Variants in MYOM1 observed in about 807,000 individuals in gnomAD.
The protein encoded by MYOM1 is myomesin 1.
Under a neutral mutation model 205.3 loss-of-function variants are expected in MYOM1, and 164 were observed. The ratio of observed to expected loss-of-function variants is 0.80; its 90% CI spans 0.70 to 0.91. The LOEUF is 0.91. Ranked by LOEUF, MYOM1 falls within the 40% of genes least tolerant of loss-of-function variation. The probability of loss-of-function intolerance (pLI) is 0.00; values close to 1 mark genes in which losing one functional copy is unlikely to be tolerated. For missense variants in MYOM1, 2,011 were observed against 2,127.3 expected (o/e 0.95, Z 1.08); for synonymous variants, 772 against 789.4 (o/e 0.98, Z 0.37).
upstream of MYOM1, among the ~76,000 whole-genome samples, chr18:3,221,181 A>AT (rs917948126): frequency 1.2e-4 from 18 of 148,056 alleles, no homozygotes; most frequent in Admixed American, 6.0e-4. Context: ...CACTCGGCTA[A>AT]TTTTTTTTTT....
At position 3,174,069 on chromosome 18, in the gene MYOM1, A is replaced by G. The variant is rs1428608983; in HGVS notation, c.1111+51T>C. 5 of 1,594,296 alleles carry G rather than the reference A, an allele frequency of 3.1e-6. No homozygotes were observed. The East Asian group carries it at 6.7e-5, about 22-fold the overall frequency. On this transcript the variant is annotated intron_variant, in intron 7 of 37. Transcript: ENST00000356443. ...ATTTATTTTAAAACCATGGGAAGAA[A>G]TTTTTAAAAACACACACACACTTTG...
chr18:3,137,723 A>T (rs188532842), intron 14 of MYOM1, among the ~76,000 whole-genome samples: 87 of 152,244 alleles, frequency 5.7e-4, no homozygotes, highest in African/African-American at 1.9e-3. Context: ...CAATTAGAAG[A>T]AATAAGTTCT....
At position 3,155,030 on chromosome 18, in the gene MYOM1, C is replaced by T. The variant is rs922677098; in HGVS notation, c.1560G>A (p.Glu520=). The T allele has an allele frequency of 2.5e-6, 4 of 1,613,312 alleles. No individual in the cohort carries two copies. The highest frequency in any genetic ancestry group is 1.3e-5 in the African/African-American group (1 of 74,890). The stretch of plus-strand genomic sequence containing the variant: ...AGATGATGATATAATCTTTGTTGGC[C>T]TCCAAGCACTTCACATCCAAGGGAG... ...PAAPLDVKCL[E]ANKDYIIISW... The change falls in exon 11 of 38, where the codon GAG becomes GAA. Residue 520 remains glutamate (E), a synonymous_variant. Transcript: ENST00000356443.
chr18:3,210,657 G>C (rs868215556), intron 2 of MYOM1, among the ~76,000 whole-genome samples: 60 of 152,134 alleles, frequency 3.9e-4, no homozygotes, highest in African/African-American at 1.4e-3. Context: ...GTATTCAATA[G>C]CTTCTCTAGA....
At chr18:3,238,762 A>G in the MYOM1 span, among the ~76,000 whole-genome samples, 1 of 152,096 alleles carries the variant, frequency 6.6e-6, no homozygotes, top group Non-Finnish European at 1.5e-5. Flanking sequence ...TCCTTTCCTG[A>G]GGCTCTAGGG....
At chr18:3,186,880 GAA>G (rs2080823978) in intron 5 of MYOM1, among the ~76,000 whole-genome samples, 1 of 134,740 alleles carries the variant, frequency 7.4e-6, no homozygotes, top group Non-Finnish European at 1.6e-5. Context: ...GGGAGAGAGA[GAA>G]AGAAAGAAAG....
intron 22 of MYOM1, 104 bp downstream of exon 22, chr18:3,112,194 C>T (rs2079536754): frequency 1.2e-6 from 1 of 847,162 alleles, no homozygotes; most frequent in Non-Finnish European, 1.9e-6. Context: ...TCAGATAGCA[C>T]ACATTGATTG....
At chr18:3,178,966 C>T (rs1378504806) in intron 5 of MYOM1, among the ~76,000 whole-genome samples, 14 of 152,124 alleles carry the variant, frequency 9.2e-5, no homozygotes, top group South Asian at 2.1e-4. Flanking sequence ...CTCCCAGGCT[C>T]GAGCAATCTT....
At chr18:3,239,202 T>C in the MYOM1 span, among the ~76,000 whole-genome samples, 1 of 152,144 alleles carries the variant, frequency 6.6e-6, no homozygotes, top group Non-Finnish European at 1.5e-5. Context: ...GAGGGCAGAA[T>C]TGCTGGTGTG....
the MYOM1 span, among the ~76,000 whole-genome samples, chr18:3,231,986 T>G: frequency 6.6e-6 from 1 of 151,996 alleles, no homozygotes; most frequent in Non-Finnish European, 1.5e-5. Context: ...CACAAAAAGT[T>G]TCCATTTCAG....
chr18:3,093,737 G>A (rs907824987), intron 26 of MYOM1: 4 of 152,964 alleles, frequency 2.6e-5, no homozygotes, highest in African/African-American at 9.6e-5. Context: ...AACCAGAAAA[G>A]CAATGAAAGG....
intron 19 of MYOM1, among the ~76,000 whole-genome samples, chr18:3,123,473 G>A (rs905106342): frequency 2.0e-5 from 3 of 151,844 alleles, no homozygotes; most frequent in Non-Finnish European, 4.4e-5. Context: ...TTTAATAAGA[G>A]GCTTTAAAAA....
Position 3,103,285 on chromosome 18 carries a change from G to C in MYOM1, c.3419-655C>G, listed in dbSNP as rs550341396. On this transcript the variant is annotated intron_variant, in intron 22 of 37. Coordinates refer to ENST00000356443, the MANE Select transcript of MYOM1 (RefSeq NM_003803.4). ...TCTAGATTAGAGTGATAGCAACTGA[G>C]AAATGACTATTATTGAACTGCATGG... 2.0e-5 allele frequency among the ~76,000 whole-genome samples: 3 copies of C among 152,302 alleles called. No individual in the cohort carries two copies. The East Asian group carries it at 5.8e-4, about 29-fold the overall frequency.
intron 14 of MYOM1, among the ~76,000 whole-genome samples, chr18:3,140,369 T>C (rs2143935273): frequency 6.6e-6 from 1 of 151,666 alleles, no homozygotes; most frequent in South Asian, 2.1e-4. Flanking sequence ...ATTGTGCCAT[T>C]GCACTCCAGC....
chr18:3,227,809 C>CCA, the MYOM1 span, among the ~76,000 whole-genome samples: 94 of 151,874 alleles, frequency 6.2e-4, no homozygotes, highest in African/African-American at 2.2e-3. Context: ...GTACGAGACT[C>CCA]CATCTCAAAA....
At chr18:3,197,674 C>T (rs902414344) in intron 2 of MYOM1, among the ~76,000 whole-genome samples, 23 of 151,830 alleles carry the variant, frequency 1.5e-4, no homozygotes, top group Non-Finnish European at 2.2e-4. Flanking sequence ...GAGATCGAGA[C>T]CATCCTAGCT....
At chr18:3,080,622 C>A (rs889959901) in intron 33 of MYOM1, among the ~76,000 whole-genome samples, 1 of 151,274 alleles carries the variant, frequency 6.6e-6, no homozygotes, top group Non-Finnish European at 1.5e-5. Context: ...TGCAATGAAC[C>A]GAGATCACGC....
At chr18:3,132,564 T>C (rs1317206333) in intron 16 of MYOM1, among the ~76,000 whole-genome samples, 1 of 152,140 alleles carries the variant, frequency 6.6e-6, no homozygotes, top group Non-Finnish European at 1.5e-5. Context: ...ATCACCCAGG[T>C]ATTAAGCCTA....
chr18:3,155,254 C>T (rs1031797561), intron 10 of MYOM1, among the ~76,000 whole-genome samples, 166 bp from the exon 11 acceptor site: 1 of 152,194 alleles, frequency 6.6e-6, no homozygotes, highest in Non-Finnish European at 1.5e-5. Flanking sequence ...CGGAGTCTCG[C>T]TCTGTCACCC....
Sources: allele counts gnomAD v4.1 joint callset (sites outside exome capture counted in the v4.1 genomes callset), GRCh38; gene constraint gnomAD v4.1.1; transcripts MANE v1.5; gene names NCBI Gene and HGNC (gene_info 2026-07-23, HGNC 2026-07-21).